HMCN2: variants seen among roughly 807,000 people sequenced by gnomAD.
The protein encoded by HMCN2 is hemicentin-2.
In HMCN2, 325 loss-of-function variants were observed where a neutral mutation model predicts 377.5. The observed-to-expected ratio is 0.86, with a 90% confidence interval of 0.79 to 0.94. The LOEUF (loss-of-function observed/expected upper bound fraction) is 0.94. Among genes scored for constraint, HMCN2 ranks in the 40% least tolerant of loss-of-function variants. The pLI, the probability that HMCN2 is intolerant of heterozygous loss-of-function variation, is 0.00. For missense variants in HMCN2, 4,543 were observed against 4,725.3 expected (o/e 0.96, Z 1.13); for synonymous variants, 2,007 against 2,046.8 (o/e 0.98, Z 0.53).
intron 34 of HMCN2, among the ~76,000 whole-genome samples, chr9:130,357,429 AGTGGATGGATGAGTGG>A (rs1840101913): frequency 7.6e-6 from 1 of 130,944 alleles, no homozygotes; most frequent in East Asian, 2.5e-4. Flanking sequence ...TGGAAGGGTG[AGTGGATGGATGAGTGG>A]ATTGATGGAT....
chr9:130,324,235 C>T (rs1297249208), intron 19 of HMCN2, among the ~76,000 whole-genome samples: 3 of 152,126 alleles, frequency 2.0e-5, no homozygotes, highest in Non-Finnish European at 4.4e-5. Flanking sequence ...TATGAACTTG[C>T]GTATCTAGGG....
In HMCN2 at chr9:130,379,354, A is replaced by G. The variant is rs1285437637; in HGVS notation, c.8318A>G (p.Glu2773Gly). The G allele has an allele frequency of 1.0e-6, 1 of 985,626 alleles. No individual in the cohort carries two copies. Among genetic ancestry groups the G allele is most frequent in the Non-Finnish European group, 1.2e-6 (1 of 829,920 alleles). The allele number at this position is 985,626 out of a possible 1,614,324, so 61.1% of individuals were successfully genotyped here. A position where few individuals can be genotyped will look rare whatever the true frequency, so the allele number is the denominator to read the frequency against. The change falls in exon 54 of 98, where the codon GAG (glutamate) becomes GGG (glycine). Residue 2773 changes from glutamate to glycine, a missense_variant. By Grantham distance (98) the Glu-to-Gly change is moderately conservative. Around this residue, in one of 5 missense-constraint regions of HMCN2, gnomAD observed 736 missense variants for 773.2 expected, o/e 0.95. Transcript: ENST00000683500. ...GTCACGGAATACAGGGAGATCGTGG[A>G]GAACAACCCAGCCTACCTGTACTGC... ...GGVTEYREIV[E>G]NNPAYLYCDT...
chr9:130,313,746 C>CTTT (rs1837395650), intron 15 of HMCN2, among the ~76,000 whole-genome samples: 1 of 147,648 alleles, frequency 6.8e-6, no homozygotes, highest in Non-Finnish European at 1.5e-5. Flanking sequence ...TGCTTTACTT[C>CTTT]ATTCCTCTCT....
chr9:130,427,243 G>A, intron 90 of HMCN2, 70 bp from the exon 91 acceptor site: 1 of 1,488,962 alleles, frequency 6.7e-7, no homozygotes, highest in Non-Finnish European at 9.2e-7. Flanking sequence ...TGTGAGCCTG[G>A]GCTATGGCCA....
At chr9:130,294,384 T>C (rs1835991912) in intron 4 of HMCN2, among the ~76,000 whole-genome samples, 1 of 152,222 alleles carries the variant, frequency 6.6e-6, no homozygotes, top group African/African-American at 2.4e-5. Flanking sequence ...GAAAGAGACC[T>C]GAAGTCTTTG....
intron 15 of HMCN2, among the ~76,000 whole-genome samples, chr9:130,314,264 G>A (rs1004876820): frequency 0.015 from 2,239 of 152,304 alleles, 61 homozygotes; most frequent in African/African-American, 0.051. Context: ...GCTCTGTGGC[G>A]AGGGGGCCAT....
chr9:130,341,500 C>G (rs1839044724), intron 24 of HMCN2, 135 bp downstream of exon 24: 2 of 152,292 alleles, frequency 1.3e-5, no homozygotes, highest in Non-Finnish European at 2.9e-5. Flanking sequence ...AGAGCCCTGG[C>G]CCTTTCTGGG....
intron 31 of HMCN2, 28 bp downstream of exon 31, chr9:130,353,233 G>T: frequency 7.7e-7 from 1 of 1,298,392 alleles, no homozygotes. Context: ...ACGGCAGCCG[G>T]GGTGGGCAGT....
intron 93 of HMCN2, 36 bp from the exon 94 acceptor site, chr9:130,429,521 G>T: frequency 6.5e-7 from 1 of 1,549,448 alleles, no homozygotes; most frequent in Non-Finnish European, 8.7e-7. Flanking sequence ...CCCTGGGCTA[G>T]ACCTCCCCAC....
chr9:130,323,082 T>C (rs1326911392), intron 19 of HMCN2, among the ~76,000 whole-genome samples: 1 of 152,100 alleles, frequency 6.6e-6, no homozygotes, highest in Non-Finnish European at 1.5e-5. Flanking sequence ...GCCAGGCATC[T>C]GCTAGTTTCT....
chr9:130,408,530 C>T (rs1408095933), intron 83 of HMCN2, among the ~76,000 whole-genome samples: 1 of 152,178 alleles, frequency 6.6e-6, no homozygotes, highest in Admixed American at 6.5e-5. Context: ...CAGCACAGTT[C>T]TTGGAAAGTC....
chr9:130,330,094 C>T, intron 22 of HMCN2, among the ~76,000 whole-genome samples: 1 of 152,024 alleles, frequency 6.6e-6, no homozygotes, highest in South Asian at 2.1e-4. Context: ...CAAGGATGTC[C>T]CCAGGCTCAG....
chr9:130,335,370 T>C (rs1838691380), intron 22 of HMCN2, among the ~76,000 whole-genome samples: 1 of 152,180 alleles, frequency 6.6e-6, no homozygotes, highest in Admixed American at 6.5e-5. Context: ...ACATTCAAGC[T>C]GGAGTGGCAG....
chr9:130,309,559 G>A (rs1228334624), intron 14 of HMCN2, among the ~76,000 whole-genome samples: 12 of 151,518 alleles, frequency 7.9e-5, no homozygotes, highest in Admixed American at 3.9e-4. Context: ...AAAAATGATG[G>A]CGGGCTCAGG....
chr9:130,358,550 G>T (rs1840177573), intron 36 of HMCN2, 64 bp downstream of exon 36: 1 of 1,296,326 alleles, frequency 7.7e-7, no homozygotes, highest in Admixed American at 2.3e-5. Flanking sequence ...GGGGACCCTT[G>T]GGGCTGAAGT....
intron 43 of HMCN2, among the ~76,000 whole-genome samples, chr9:130,367,142 G>C (rs1431095657): frequency 6.6e-6 from 1 of 152,160 alleles, no homozygotes; most frequent in Non-Finnish European, 1.5e-5. Flanking sequence ...AATCAGGGAT[G>C]ATGGAGGAGA....
intron 22 of HMCN2, among the ~76,000 whole-genome samples, chr9:130,334,750 C>G (rs1038680817): frequency 1.1e-5 from 1 of 89,428 alleles, no homozygotes; most frequent in African/African-American, 3.3e-5. Flanking sequence ...TTCTCTTTCT[C>G]TCTCTCTCTT....
rs1839992652 is a variant in HMCN2 at position 130,355,784 on chromosome 9, G to A, written c.5185G>A (p.Val1729Met). The change falls in exon 33 of 98, where the codon GTG becomes ATG. Residue 1729 changes from valine (V) to methionine (M), a missense_variant. Val to Met is a conservative substitution (Grantham distance 21, BLOSUM62 1). Coordinates refer to ENST00000683500, the MANE Select transcript of HMCN2 (RefSeq NM_001291815.2). ...QLLVAEGLGQVTTIVGQPLEL... is the reference protein window; with the variant it reads ...QLLVAEGLGQMTTIVGQPLEL... ...CCTGGTGGCTGAAGGCTTGGGACAG[G>A]TGACCACCATCGTGGGACAGCCCCT... 7.7e-7 allele frequency: 1 copy of A among 1,303,654 alleles called. No homozygotes were observed. The highest frequency in any genetic ancestry group is 1.5e-5 in the African/African-American group (1 of 65,870). The allele number at this position is 1,303,654 out of a possible 1,614,324, so 80.8% of individuals were successfully genotyped here. A position where few individuals can be genotyped will look rare whatever the true frequency, so the allele number is the denominator to read the frequency against.
intron 15 of HMCN2, among the ~76,000 whole-genome samples, chr9:130,318,740 T>G (rs1461025154): frequency 1.3e-5 from 2 of 152,212 alleles, no homozygotes; most frequent in Non-Finnish European, 2.9e-5. Flanking sequence ...TCACTATTAA[T>G]GCAACCCCTA....
Sources: allele counts gnomAD v4.1 joint callset (sites outside exome capture counted in the v4.1 genomes callset), GRCh38; gene constraint gnomAD v4.1.1; regional missense constraint gnomAD v4.1.1; transcripts MANE v1.5; gene names NCBI Gene and HGNC (gene_info 2026-07-23, HGNC 2026-07-21).